Variants in MAGI1 observed in about 807,000 individuals in gnomAD.
The protein encoded by MAGI1 is membrane-associated guanylate kinase, WW and PDZ domain-containing protein 1.
A neutral mutation model predicts 139.9 loss-of-function variants in MAGI1; 58 were observed. The ratio of observed to expected loss-of-function variants is 0.41; its 90% CI spans 0.34 to 0.52. MAGI1 has a LOEUF of 0.52. Ranked by LOEUF, MAGI1 falls within the 20% of genes least tolerant of loss-of-function variation. The pLI, the probability that MAGI1 is intolerant of heterozygous loss-of-function variation, is 0.12. For synonymous variants in MAGI1, 812 were observed against 737.9 expected (o/e 1.10, Z -1.63); for missense variants, 1,874 against 1,901.6 (o/e 0.99, Z 0.27).
chr3:66,034,420 T>C (rs963397693), intron 1 of MAGI1, among the ~76,000 whole-genome samples: 2 of 152,186 alleles, frequency 1.3e-5, no homozygotes, highest in African/African-American at 4.8e-5. Context: ...CTGAGTCCAA[T>C]TGTAAGGACT....
At chr3:65,795,727 G>GGAGA (rs67313047) in intron 1 of MAGI1, among the ~76,000 whole-genome samples, 5 of 64,412 alleles carry the variant, frequency 7.8e-5, no homozygotes, top group African/African-American at 1.4e-4. Context: ...ACACACACAC[G>GGAGA]GAGAGAGAGA....
At chr3:65,728,717 C>A (rs566370826) in intron 1 of MAGI1, among the ~76,000 whole-genome samples, 15 of 152,242 alleles carry the variant, frequency 9.9e-5, no homozygotes, top group Admixed American at 2.0e-4. Flanking sequence ...AAAGAAAAAA[C>A]CGTATTTTTT....
intron 1 of MAGI1, among the ~76,000 whole-genome samples, chr3:65,763,585 A>G (rs12633925): frequency 0.34 from 52,213 of 151,910 alleles, 9,768 homozygotes; most frequent in Admixed American, 0.49. Flanking sequence ...AAGAAAAAAA[A>G]TAATGTTCCC....
At chr3:66,031,888 T>C (rs1404351447) in intron 1 of MAGI1, among the ~76,000 whole-genome samples, 1 of 152,128 alleles carries the variant, frequency 6.6e-6, no homozygotes, top group Non-Finnish European at 1.5e-5. Context: ...ATCCTCATCA[T>C]CCTGCCTGCT....
chr3:65,987,032 G>C (rs909110843), intron 1 of MAGI1, among the ~76,000 whole-genome samples: 17 of 152,082 alleles, frequency 1.1e-4, no homozygotes, highest in African/African-American at 3.6e-4. Context: ...CACCATGTTC[G>C]GCTAAATTTT....
intron 1 of MAGI1, among the ~76,000 whole-genome samples, chr3:65,638,309 C>T (rs1436678396): frequency 6.6e-6 from 1 of 152,114 alleles, no homozygotes; most frequent in East Asian, 1.9e-4. Flanking sequence ...ATATACCTTT[C>T]ATGAAATTCT....
chr3:65,806,947 G>T (rs577785227), intron 1 of MAGI1, among the ~76,000 whole-genome samples: 1 of 152,230 alleles, frequency 6.6e-6, no homozygotes, highest in African/African-American at 2.4e-5. Context: ...TGATGATAAC[G>T]ATGGAAACAT....
chr3:65,730,120 T>G (rs1452833618), intron 1 of MAGI1, among the ~76,000 whole-genome samples: 3 of 152,236 alleles, frequency 2.0e-5, no homozygotes, highest in African/African-American at 7.2e-5. Context: ...TGCTGTGGAA[T>G]TGGTGAATAT....
intron 1 of MAGI1, among the ~76,000 whole-genome samples, chr3:66,015,179 CAA>C (rs11361856): frequency 3.7e-3 from 367 of 97,944 alleles, no homozygotes; most frequent in East Asian, 4.5e-3. Flanking sequence ...CCTGTCTCTA[CAA>C]AAAAAAAAAA....
At chr3:65,479,502 CATAA>C (rs1246583296) in intron 3 of MAGI1, among the ~76,000 whole-genome samples, 5 of 152,218 alleles carry the variant, frequency 3.3e-5, no homozygotes, top group African/African-American at 1.2e-4. Flanking sequence ...CTCACTTGTA[CATAA>C]ATAGATTTTT....
chr3:65,839,313 T>C (rs2108330137), intron 1 of MAGI1, among the ~76,000 whole-genome samples: 1 of 152,344 alleles, frequency 6.6e-6, no homozygotes, highest in Admixed American at 6.5e-5. Context: ...CACAATTATG[T>C]ACAGTGCATA....
chr3:66,036,788 A>G (rs543032545), intron 1 of MAGI1, among the ~76,000 whole-genome samples: 2 of 152,160 alleles, frequency 1.3e-5, no homozygotes, highest in East Asian at 3.9e-4. Context: ...CAACTTCACG[A>G]CTTCCTTCGG....
At chr3:65,496,240 A>G (rs1250977837) in intron 2 of MAGI1, among the ~76,000 whole-genome samples, 5 of 149,162 alleles carry the variant, frequency 3.4e-5, no homozygotes, top group African/African-American at 9.9e-5. Context: ...GGGGGGTCTC[A>G]CTATATTGCC....
At chr3:65,700,226 G>C (rs967887346) in intron 1 of MAGI1, among the ~76,000 whole-genome samples, 1 of 152,054 alleles carries the variant, frequency 6.6e-6, no homozygotes, top group Non-Finnish European at 1.5e-5. Flanking sequence ...GGCAGATCAC[G>C]AGGTCAGGAG....
chr3:65,632,198 A>G (rs1027250472), intron 1 of MAGI1, among the ~76,000 whole-genome samples: 1 of 152,194 alleles, frequency 6.6e-6, no homozygotes, highest in Non-Finnish European at 1.5e-5. Flanking sequence ...TGCATTACCT[A>G]AAGGTTATGG....
chr3:65,508,214 T>C (rs554080422), intron 2 of MAGI1, among the ~76,000 whole-genome samples: 1 of 152,128 alleles, frequency 6.6e-6, no homozygotes, highest in East Asian at 1.9e-4. Flanking sequence ...CCATCCTGGC[T>C]AACACGGTGA....
intron 1 of MAGI1, among the ~76,000 whole-genome samples, chr3:65,681,283 T>A (rs1467029023): frequency 1.3e-5 from 2 of 152,216 alleles, no homozygotes; most frequent in African/African-American, 4.8e-5. Flanking sequence ...TGGGTCTCAT[T>A]TATAGACCAC....
At chr3:65,502,572 C>T (rs1180661578) in intron 2 of MAGI1, among the ~76,000 whole-genome samples, 2 of 152,168 alleles carry the variant, frequency 1.3e-5, no homozygotes, top group Non-Finnish European at 2.9e-5. Flanking sequence ...GCCTGGGTAA[C>T]ATAACAAGAA....
chr3:65,976,923 A>T (rs2065294814), intron 1 of MAGI1, among the ~76,000 whole-genome samples: 1 of 152,164 alleles, frequency 6.6e-6, no homozygotes, highest in South Asian at 2.1e-4. Flanking sequence ...GGCATCCTCA[A>T]ATGACAGCTT....
Sources: allele counts gnomAD v4.1 joint callset (sites outside exome capture counted in the v4.1 genomes callset), GRCh38; gene constraint gnomAD v4.1.1; transcripts MANE v1.5; gene names NCBI Gene and HGNC (gene_info 2026-07-23, HGNC 2026-07-21).